Variants in MYO7B observed in about 807,000 individuals in gnomAD.
The protein encoded by MYO7B is myosin VIIB.
A neutral mutation model predicts 259.7 loss-of-function variants in MYO7B; 212 were observed. The ratio of observed to expected loss-of-function variants is 0.82; its 90% CI spans 0.73 to 0.91. The LOEUF (loss-of-function observed/expected upper bound fraction) is 0.91. Ranked by LOEUF, MYO7B falls within the 40% of genes least tolerant of loss-of-function variation. The pLI is 0.00. For synonymous variants in MYO7B, 1,197 were observed against 1,166.4 expected, an observed-to-expected ratio of 1.03 and a Z score of -0.54; for missense variants, 2,732 against 2,813.5, an observed-to-expected ratio of 0.97 and a Z score of 0.66.
intron 12 of MYO7B, among the ~76,000 whole-genome samples, chr2:127,582,813 A>G (rs539045957): frequency 6.6e-6 from 1 of 152,336 alleles, no homozygotes; most frequent in South Asian, 2.1e-4. Context: ...AGCTAGAAGC[A>G]TTTGCAGACC....
Position 127,611,824 on chromosome 2 carries a change from A to G in MYO7B, c.3193-426A>G, listed in dbSNP as rs146398264. 1.8e-3 allele frequency among the ~76,000 whole-genome samples: 279 copies of G among 152,302 alleles called. No homozygotes were observed. Among genetic ancestry groups the G allele is most frequent in the African/African-American group, 6.4e-3 (267 of 41,572 alleles). On this transcript the variant is annotated intron_variant, in intron 24 of 47. Coordinates refer to ENST00000409816, the MANE Select transcript of MYO7B (RefSeq NM_001393586.1). This position sits in a 1 kb window ranked among gnomAD's most constrained non-coding sequence, Gnocchi z 5.4. The stretch of plus-strand genomic sequence containing the variant: ...TCGGATCCCCTGCAGAGCACCTTGC[A>G]GTGGCAGAGCATCCTGCTTCATCTG...
Position 127,615,142 on chromosome 2 carries a change from GC to G in MYO7B, c.3398+2540del, listed in dbSNP as rs1558836887. Among the ~76,000 whole-genome samples, 2 of 152,136 alleles carry G rather than the reference GC, an allele frequency of 1.3e-5. No individual in the cohort carries two copies. Among genetic ancestry groups the G allele is most frequent in the African/African-American group, 4.8e-5 (2 of 41,440 alleles). ...TTTCCTGGTCCTAAGATGGACCAGT[GC>G]TAAGATGGAGGTCTGTTCAGGGCCC... On this transcript the variant is annotated intron_variant, in intron 26 of 47. Transcript: ENST00000409816. This position sits in a 1 kb window ranked among gnomAD's most constrained non-coding sequence, Gnocchi z 4.4.
intron 1 of MYO7B, among the ~76,000 whole-genome samples, chr2:127,536,194 G>A (rs975935587): frequency 2.0e-5 from 3 of 152,202 alleles, no homozygotes; most frequent in African/African-American, 7.2e-5. Context: ...ATCATGGATA[G>A]CCTGGGTCCC....
In MYO7B at chr2:127,627,373, C is replaced by T. The variant is rs550808512; in HGVS notation, c.4460+63C>T. The T allele has an allele frequency of 6.5e-5, 50 of 770,204 alleles. No individual in the cohort carries two copies. The East Asian group carries it at 1.6e-3, about 25-fold the overall frequency. The allele number at this position is 770,204 out of a possible 1,614,324, so 47.7% of individuals were successfully genotyped here. A position where few individuals can be genotyped will look rare whatever the true frequency, so the allele number is the denominator to read the frequency against. The stretch of plus-strand genomic sequence containing the variant: ...AGTCCTTGTGATGCATCTGGGGGCT[C>T]GGGGAGAGATGGGGAGAGGGGCAGT... On this transcript the variant is annotated intron_variant, in intron 33 of 47. Coordinates refer to ENST00000409816, the MANE Select transcript of MYO7B (RefSeq NM_001393586.1). This position sits in a 1 kb window ranked among gnomAD's most constrained non-coding sequence, Gnocchi z 5.6.
intron 19 of MYO7B, among the ~76,000 whole-genome samples, chr2:127,600,433 G>T (rs10197955): frequency 6.6e-6 from 1 of 152,080 alleles, no homozygotes; most frequent in Non-Finnish European, 1.5e-5. Flanking sequence ...TGTCCTGGCC[G>T]GGCATGGTGG....
Position 127,559,412 on chromosome 2 carries a change from A to G in MYO7B, c.-23-288A>G, listed in dbSNP as rs142514197. On this transcript the variant is annotated intron_variant, in intron 1 of 47. Coordinates refer to ENST00000409816, the MANE Select transcript of MYO7B (RefSeq NM_001393586.1). This position sits in a 1 kb window ranked among gnomAD's most constrained non-coding sequence, Gnocchi z 4.1. ...TTTCATGGATATCTGACCAGTTAAA[A>G]TTGGGGCTTCTGGATGACAGGGAAC... is the stretch of plus-strand genomic sequence containing the variant. Among the ~76,000 whole-genome samples the G allele has an allele frequency of 6.6e-6, 1 of 152,302 alleles. No individual in the cohort carries two copies. The highest frequency in any genetic ancestry group is 1.5e-5 in the Non-Finnish European group (1 of 68,012).
chr2:127,625,598 A>G (rs1681069733), intron 31 of MYO7B, 63 bp downstream of exon 31: 2 of 1,481,042 alleles, frequency 1.4e-6, no homozygotes, highest in Non-Finnish European at 9.0e-7. Flanking sequence ...GGGGGGGCTC[A>G]TGGTATACAG....
In MYO7B at chr2:127,620,501, G is replaced by A. The variant is rs763421534; in HGVS notation, c.3525+35G>A. On this transcript the variant is annotated intron_variant, in intron 27 of 47. Transcript: ENST00000409816. ...TTCATGAAGGGAGGGCGGGCAGGGG[G>A]CAGGTTCTGGTGGGAGCGTAGGTGG... The A allele has an allele frequency of 4.1e-6, 6 of 1,458,360 alleles. No individual in the cohort carries two copies. The Admixed American group carries it at 7.7e-5, about 19-fold the overall frequency. 90.3% of individuals were successfully genotyped at this position (1,458,360 alleles called of 1,614,324 possible).
At position 127,581,950 on chromosome 2, in the gene MYO7B, A is replaced by G. The variant is rs1194155295; in HGVS notation, c.1140A>G (p.Glu380=). Residue 380 remains glutamate (E), a synonymous_variant, in exon 11 of 48, where the codon GAA becomes GAG. Transcript: ENST00000409816. Reference sequence around the variant, plus strand: ...AGCACACCATCCTCATCCGAGGGGAATTTGTCACCAGGTCCCTGAACATTG... The same window carrying G: ...AGCACACCATCCTCATCCGAGGGGAGTTTGTCACCAGGTCCCTGAACATTG... ...LIKHTILIRG[E]FVTRSLNIAQ... is the part of the protein sequence containing the mutation. The G allele has an allele frequency of 6.2e-7, 1 of 1,613,806 alleles. No individual in the cohort carries two copies. The highest frequency in any genetic ancestry group is 1.7e-5 in the Admixed American group (1 of 60,032).
Position 127,637,370 on chromosome 2 carries a change from A to G in MYO7B, c.6382A>G (p.Met2128Val). Residue 2128 changes from methionine (M) to valine (V), a missense_variant, in exon 48 of 48, where the codon ATG (methionine) becomes GTG (valine). Met to Val is a conservative substitution (Grantham distance 21). Coordinates refer to ENST00000409816, the MANE Select transcript of MYO7B (RefSeq NM_001393586.1). ...ATATGTGCAGCAGCTCCTGAGTGCC[A>G]TGAACAAGCAGCGGGGCTCCAAGGC... ...TSYVQQLLSA[M>V]NKQRGSKAPA... 1.9e-6 allele frequency: 3 copies of G among 1,588,504 alleles called. No homozygotes were observed. The highest frequency in any genetic ancestry group is 1.3e-5 in the African/African-American group (1 of 74,302).
chr2:127,633,657 G>C (rs1055835501), intron 40 of MYO7B, among the ~76,000 whole-genome samples: 1 of 152,190 alleles, frequency 6.6e-6, no homozygotes, highest in Admixed American at 6.5e-5. Context: ...GCCCCTAGGG[G>C]CTTCTGACCA....
At chr2:127,555,882 G>A (rs1693615260) in intron 1 of MYO7B, among the ~76,000 whole-genome samples, 1 of 152,218 alleles carries the variant, frequency 6.6e-6, no homozygotes, top group African/African-American at 2.4e-5. Flanking sequence ...TGGTTGTGGG[G>A]TAGAATGTTC....
chr2:127,634,518 TG>T, intron 41 of MYO7B, 77 bp from the exon 42 acceptor site: 2 of 1,342,542 alleles, frequency 1.5e-6, no homozygotes, highest in Non-Finnish European at 2.1e-6. Flanking sequence ...AGGCGGCCAC[TG>T]GACCAGAACC....
In MYO7B at chr2:127,631,669, T is replaced by C. The variant is rs1372458126; in HGVS notation, c.5165T>C (p.Ile1722Thr). ...CCCACCCTGGAGCTCACCGACCAGA[T>C]CTTCACACTGGCCCTGCAGCACCCG... ...AWPTLELTDQ[I>T]FTLALQHPAL... Residue 1722 changes from isoleucine (I) to threonine (T), a missense_variant, in exon 38 of 48, where the codon ATC (isoleucine) becomes ACC (threonine). Around this residue, in one of 3 missense-constraint regions of MYO7B, gnomAD observed 821 missense variants for 769.3 expected, o/e 1.07. Coordinates refer to ENST00000409816, the MANE Select transcript of MYO7B (RefSeq NM_001393586.1). The C allele has an allele frequency of 6.2e-7, 1 of 1,613,054 alleles. No individual in the cohort carries two copies. The highest frequency in any genetic ancestry group is 1.7e-5 in the Admixed American group (1 of 60,006).
chr2:127,543,388 A>G (rs1476490901), intron 1 of MYO7B, among the ~76,000 whole-genome samples: 2 of 152,164 alleles, frequency 1.3e-5, no homozygotes, highest in African/African-American at 4.8e-5. Context: ...GAGTCAACAC[A>G]GCACATGTTT....
chr2:127,569,774 ACACCCTTTTTG>A lies in MYO7B; in HGVS notation c.471-12_471-2del. The A allele has an allele frequency of 6.2e-7, 1 of 1,607,002 alleles. No homozygotes were observed. The highest frequency in any genetic ancestry group is 8.5e-7 in the Non-Finnish European group (1 of 1,175,180). The stretch of plus-strand genomic sequence containing the variant: ...TCGTTTTGTGGCATCATGTCCCTGC[ACACCCTTTTTG>A]CAGCGGCGAGTCTGGGGCTGGCAAG... On this transcript the variant is annotated splice_region_variant and splice_polypyrimidine_tract_variant and intron_variant, in intron 5 of 47. Coordinates refer to ENST00000409816, the MANE Select transcript of MYO7B (RefSeq NM_001393586.1).
Position 127,627,647 on chromosome 2 carries a change from G to A in MYO7B, c.4460+337G>A, listed in dbSNP as rs1428026273. 8.4e-6 allele frequency: 4 copies of A among 476,084 alleles called. No homozygotes were observed. Among genetic ancestry groups the A allele is most frequent in the Middle Eastern group, 3.1e-4 (1 of 3,194 alleles). 29.5% of individuals were successfully genotyped at this position (476,084 alleles called of 1,614,324 possible). On this transcript the variant is annotated intron_variant, in intron 33 of 47. Coordinates refer to ENST00000409816, the MANE Select transcript of MYO7B (RefSeq NM_001393586.1). The surrounding 1 kb of genome is among the most constrained non-coding windows in gnomAD (Gnocchi z 5.6). Reference sequence around the variant, plus strand: ...TTCTTTGTCATGGACGAGAACTGGTGGCCTGGAGGGTACAGGTTGTCTGGG... The same window carrying A: ...TTCTTTGTCATGGACGAGAACTGGTAGCCTGGAGGGTACAGGTTGTCTGGG...
At chr2:127,595,374 T>G (rs1257843159) in intron 18 of MYO7B, among the ~76,000 whole-genome samples, 1 of 152,194 alleles carries the variant, frequency 6.6e-6, no homozygotes, top group Non-Finnish European at 1.5e-5. Flanking sequence ...TCTTTTTTAG[T>G]CTAGGTAGTG....
chr2:127,625,590 G>A, intron 31 of MYO7B, 55 bp downstream of exon 31: 1 of 1,496,800 alleles, frequency 6.7e-7, no homozygotes, highest in Non-Finnish European at 8.9e-7. Context: ...TGGGAGGTGG[G>A]GGGGCTCATG....
Sources: allele counts gnomAD v4.1 joint callset (sites outside exome capture counted in the v4.1 genomes callset), GRCh38; gene constraint gnomAD v4.1.1; regional missense constraint gnomAD v4.1.1; non-coding constraint Gnocchi (gnomAD v3.1); transcripts MANE v1.5; gene names NCBI Gene and HGNC (gene_info 2026-07-23, HGNC 2026-07-21).